The following CACNA2D1 variants were observed in gnomAD, a reference collection of about 807,000 sequenced individuals.
The protein encoded by CACNA2D1 is calcium voltage-gated channel auxiliary subunit alpha2delta 1, also known as voltage-dependent calcium channel subunit alpha-2/delta-1.
Under a neutral mutation model 171.5 loss-of-function variants are expected in CACNA2D1, and 53 were observed. The observed-to-expected ratio is 0.31, with a 90% confidence interval of 0.25 to 0.39. The LOEUF is 0.39. Among genes scored for constraint, CACNA2D1 ranks in the 10% least tolerant of loss-of-function variants. The probability of loss-of-function intolerance (pLI) is 1.00; values close to 1 mark genes in which losing one functional copy is unlikely to be tolerated. For synonymous variants in CACNA2D1, 442 were observed against 443.1 expected (o/e 1.00, Z 0.03); for missense variants, 903 against 1,299.8 (o/e 0.69, Z 4.69).
chr7:82,356,560 T>G (rs754377955), intron 1 of CACNA2D1, among the ~76,000 whole-genome samples: 1 of 152,194 alleles, frequency 6.6e-6, no homozygotes, highest in Non-Finnish European at 1.5e-5. Context: ...TATCAATACA[T>G]TTCCAAAATT....
intron 12 of CACNA2D1, among the ~76,000 whole-genome samples, 160 bp from the exon 13 acceptor site, chr7:82,014,639 A>G (rs1175023287): frequency 2.6e-5 from 4 of 152,252 alleles, no homozygotes; most frequent in Admixed American, 2.6e-4. Context: ...GACCAGAGGA[A>G]AATCACATAA....
intron 18 of CACNA2D1, among the ~76,000 whole-genome samples, chr7:82,003,219 A>G (rs1226346997): frequency 6.6e-6 from 1 of 152,120 alleles, no homozygotes; most frequent in Admixed American, 6.5e-5. Context: ...GAATAAATTG[A>G]TGTTCAGAAT....
At chr7:82,175,060 CA>C (rs559036401) in intron 3 of CACNA2D1, among the ~76,000 whole-genome samples, 3 of 150,992 alleles carry the variant, frequency 2.0e-5, no homozygotes, top group Admixed American at 1.3e-4. Flanking sequence ...TATATTTTTC[CA>C]AAAAAAAGAC....
intron 6 of CACNA2D1, among the ~76,000 whole-genome samples, chr7:82,108,384 A>G (rs258685): frequency 0.52 from 78,682 of 151,900 alleles, 20,886 homozygotes; most frequent in African/African-American, 0.64. Context: ...ATTCCTCTTC[A>G]TCGTAGAAGG....
intron 3 of CACNA2D1, among the ~76,000 whole-genome samples, chr7:82,184,559 G>T (rs1797474312): frequency 6.6e-6 from 1 of 151,966 alleles, no homozygotes; most frequent in African/African-American, 2.4e-5. Context: ...CATTATCAAA[G>T]ATTCTTTCAA....
chr7:82,133,922 A>T (rs1483784245), intron 5 of CACNA2D1, among the ~76,000 whole-genome samples: 5 of 151,928 alleles, frequency 3.3e-5, no homozygotes, highest in African/African-American at 1.2e-4. Flanking sequence ...AAATACAAAA[A>T]ATTAGCTGGG....
rs1047010714 is a variant in CACNA2D1, at chr7:82,443,619, G to C, written c.-160C>G. 36 of 1,352,526 alleles carry C rather than the reference G, an allele frequency of 2.7e-5. No individual in the cohort carries two copies. The highest frequency in any genetic ancestry group is 2.8e-4 in the Middle Eastern group (1 of 3,624). 83.8% of individuals were successfully genotyped at this position (1,352,526 alleles called of 1,614,324 possible). ...CGAGGCGCGGAGCCGCGCGGGGGAC[G>C]GCAAGGGCGGGAGCGGACGCCGAGG... is the stretch of plus-strand genomic sequence containing the variant. On this transcript the variant is annotated 5_prime_UTR_variant, in exon 1 of 39. Transcript: ENST00000356860.
At chr7:82,295,990 T>G (rs1454779303) in intron 3 of CACNA2D1, among the ~76,000 whole-genome samples, 1 of 151,818 alleles carries the variant, frequency 6.6e-6, no homozygotes, top group Non-Finnish European at 1.5e-5. Context: ...ATCATCATTC[T>G]CAGTAAACTA....
chr7:82,315,125 TCAA>T (rs879344425), intron 3 of CACNA2D1, among the ~76,000 whole-genome samples: 3 of 151,680 alleles, frequency 2.0e-5, no homozygotes, highest in Non-Finnish European at 2.9e-5. Context: ...TGACAGAGTC[TCAA>T]CAACAACAGC....
At chr7:82,013,404 C>T in intron 14 of CACNA2D1, 57 bp downstream of exon 14, 1 of 763,080 alleles carries the variant, frequency 1.3e-6, no homozygotes, top group Non-Finnish European at 1.9e-6. Flanking sequence ...ATATTTAAAC[C>T]AGAAAAATAT....
intron 21 of CACNA2D1, among the ~76,000 whole-genome samples, chr7:81,990,756 A>G (rs932566374): frequency 1.3e-5 from 2 of 152,192 alleles, no homozygotes; most frequent in Non-Finnish European, 2.9e-5. Flanking sequence ...GAGGAATCAC[A>G]ATATTATAGA....
At chr7:82,138,419 A>C (rs1791931308) in intron 4 of CACNA2D1, among the ~76,000 whole-genome samples, 1 of 146,924 alleles carries the variant, frequency 6.8e-6, no homozygotes, top group South Asian at 2.2e-4. Flanking sequence ...CATTTCTTAT[A>C]GCATTAGTTT....
At chr7:82,419,380 A>G (rs1356772475) in intron 1 of CACNA2D1, among the ~76,000 whole-genome samples, 1 of 152,198 alleles carries the variant, frequency 6.6e-6, no homozygotes, top group African/African-American at 2.4e-5. Context: ...CCTTCCTGAT[A>G]TCTACAAAGC....
chr7:82,375,472 G>C (rs549568297), intron 1 of CACNA2D1, among the ~76,000 whole-genome samples: 1 of 152,302 alleles, frequency 6.6e-6, no homozygotes, highest in South Asian at 2.1e-4. Context: ...GAAATGGGGA[G>C]TGTGTGTCCA....
At chr7:82,161,521 T>C (rs1794946234) in intron 4 of CACNA2D1, among the ~76,000 whole-genome samples, 1 of 151,980 alleles carries the variant, frequency 6.6e-6, no homozygotes, top group Admixed American at 6.6e-5. Context: ...TTGGTAAATT[T>C]TGGAGTTGGA....
intron 3 of CACNA2D1, among the ~76,000 whole-genome samples, chr7:82,215,384 T>C (rs143130211): frequency 3.3e-4 from 50 of 152,332 alleles, no homozygotes; most frequent in Admixed American, 9.2e-4. Flanking sequence ...GTCATTGGCT[T>C]TCTGTGCAGT....
At chr7:82,404,773 G>A (rs2129452635) in intron 1 of CACNA2D1, among the ~76,000 whole-genome samples, 1 of 152,266 alleles carries the variant, frequency 6.6e-6, no homozygotes, top group African/African-American at 2.4e-5. Flanking sequence ...TCACTCTGTA[G>A]TCAACAAAAA....
intron 1 of CACNA2D1, among the ~76,000 whole-genome samples, chr7:82,430,705 C>T (rs916776927): frequency 2.6e-5 from 4 of 152,074 alleles, no homozygotes; most frequent in African/African-American, 7.2e-5. Flanking sequence ...GTCAAGTAAA[C>T]GCTGGCCTTT....
At chr7:82,017,041 C>T (rs969158988) in intron 12 of CACNA2D1, among the ~76,000 whole-genome samples, 1 of 152,046 alleles carries the variant, frequency 6.6e-6, no homozygotes, top group Non-Finnish European at 1.5e-5. Context: ...TTTACCATTA[C>T]AATATTTACG....
Sources: allele counts gnomAD v4.1 joint callset (sites outside exome capture counted in the v4.1 genomes callset), GRCh38; gene constraint gnomAD v4.1.1; transcripts MANE v1.5; gene names NCBI Gene and HGNC (gene_info 2026-07-23, HGNC 2026-07-21).